The following ATRNL1 variants were observed in gnomAD, a reference collection of about 807,000 sequenced individuals.
ATRNL1 encodes attractin-like protein 1.
In ATRNL1, 95 loss-of-function variants were observed where a neutral mutation model predicts 182.7. The ratio of observed to expected loss-of-function variants is 0.52; its 90% confidence interval spans 0.44 to 0.62. The LOEUF is 0.62. ATRNL1 is among the 20% of genes least tolerant of loss of function. The pLI is 0.00. For synonymous variants in ATRNL1, 576 were observed against 568.3 expected (o/e 1.01, Z -0.19); for missense variants, 1,471 against 1,679.5 (o/e 0.88, Z 2.17).
At chr10:115,866,180 C>A (rs1555104731) in intron 28 of ATRNL1, among the ~76,000 whole-genome samples, 1 of 152,138 alleles carries the variant, frequency 6.6e-6, no homozygotes, top group African/African-American at 2.4e-5. Context: ...TTAAGCATCT[C>A]AAGACTATAA....
At chr10:115,189,427 A>G (rs10787554) in intron 8 of ATRNL1, among the ~76,000 whole-genome samples, 32,614 of 152,116 alleles carry the variant, frequency 0.21, 4,474 homozygotes, top group Non-Finnish European at 0.3. Context: ...AGCTCCATGC[A>G]TATGAATGCC....
intron 8 of ATRNL1, among the ~76,000 whole-genome samples, chr10:115,180,176 T>TA (rs1372783719): frequency 2.0e-5 from 3 of 151,992 alleles, no homozygotes; most frequent in African/African-American, 4.8e-5. Context: ...CATGTTAATT[T>TA]AAAAAAATTG....
At chr10:115,537,413 A>G (rs1195113983) in intron 25 of ATRNL1, among the ~76,000 whole-genome samples, 1 of 152,214 alleles carries the variant, frequency 6.6e-6, no homozygotes, top group Non-Finnish European at 1.5e-5. Flanking sequence ...AGTTATAGGT[A>G]TCACTATTTA....
intron 19 of ATRNL1, among the ~76,000 whole-genome samples, chr10:115,369,042 C>T (rs1426080750): frequency 6.6e-5 from 10 of 152,096 alleles, no homozygotes; most frequent in African/African-American, 1.4e-4. Flanking sequence ...ATACTGCATA[C>T]GAGTGAAATC....
chr10:115,456,248 T>C (rs1554968677), intron 21 of ATRNL1, among the ~76,000 whole-genome samples: 1 of 152,152 alleles, frequency 6.6e-6, no homozygotes, highest in Non-Finnish European at 1.5e-5. Context: ...ATTCCCATTA[T>C]GTTAGACTGG....
At chr10:115,293,671 G>C (rs1379986149) in intron 15 of ATRNL1, among the ~76,000 whole-genome samples, 6 of 152,168 alleles carry the variant, frequency 3.9e-5, no homozygotes, top group African/African-American at 7.2e-5. Flanking sequence ...AATTTCATTA[G>C]ATTTTGTCTG....
In ATRNL1 at chr10:115,183,480, C is replaced by T. The variant is rs192182097; in HGVS notation, c.1348+12188C>T. ...CTCATTTAATCAAGAAACAAGAGAGCAAGCACAAATACACAAAACAAGAAA... is the reference window on the plus strand; with the variant it reads ...CTCATTTAATCAAGAAACAAGAGAGTAAGCACAAATACACAAAACAAGAAA... On this transcript the variant is annotated intron_variant, in intron 8 of 28. Coordinates refer to ENST00000355044, the MANE Select transcript of ATRNL1 (RefSeq NM_207303.4). Among the ~76,000 whole-genome samples the T allele has an allele frequency of 2.9e-3, 438 of 150,492 alleles. 1 individual carries two copies. Among genetic ancestry groups the T allele is most frequent in the African/African-American group, 0.01 (422 of 41,128 alleles).
chr10:115,822,052 C>CA (rs1263049871), intron 27 of ATRNL1, among the ~76,000 whole-genome samples: 5 of 151,954 alleles, frequency 3.3e-5, no homozygotes, highest in African/African-American at 7.2e-5. Context: ...TCAGCAAATG[C>CA]AAAAAATGGA....
chr10:115,603,716 A>G (rs2133948668), intron 26 of ATRNL1, among the ~76,000 whole-genome samples: 1 of 152,278 alleles, frequency 6.6e-6, no homozygotes, highest in Admixed American at 6.5e-5. Flanking sequence ...AAAAGTTTTG[A>G]TATTTATCTA....
chr10:115,336,981 G>GA (rs1228003629), intron 19 of ATRNL1, among the ~76,000 whole-genome samples: 1 of 144,948 alleles, frequency 6.9e-6, no homozygotes, highest in Non-Finnish European at 1.5e-5. Flanking sequence ...AAGTAGCTGG[G>GA]GGGGGGGGAC....
At chr10:115,319,711 T>A (rs1854486193) in intron 18 of ATRNL1, among the ~76,000 whole-genome samples, 2 of 151,692 alleles carry the variant, frequency 1.3e-5, no homozygotes, top group South Asian at 4.2e-4. Context: ...TTGCATCCCC[T>A]GCTTTTTTTT....
chr10:115,529,136 A>G (rs974051681), intron 25 of ATRNL1, among the ~76,000 whole-genome samples: 2 of 151,880 alleles, frequency 1.3e-5, no homozygotes, highest in Non-Finnish European at 2.9e-5. Flanking sequence ...TTGGTGGTTT[A>G]TTGCATTGCT....
intron 19 of ATRNL1, among the ~76,000 whole-genome samples, chr10:115,368,854 C>G (rs1857226123): frequency 6.6e-6 from 1 of 152,068 alleles, no homozygotes; most frequent in South Asian, 2.1e-4. Flanking sequence ...GCTGAGATTA[C>G]AGGTGCCCAC....
chr10:115,113,548 T>A (rs1300319679), intron 1 of ATRNL1, among the ~76,000 whole-genome samples: 1 of 151,930 alleles, frequency 6.6e-6, no homozygotes, highest in Non-Finnish European at 1.5e-5. Context: ...GCTGTTCTCA[T>A]GATAGTGAAT....
At chr10:115,718,144 C>T (rs1053060252) in intron 26 of ATRNL1, among the ~76,000 whole-genome samples, 4 of 152,060 alleles carry the variant, frequency 2.6e-5, no homozygotes, top group Admixed American at 2.6e-4. Context: ...TTTGTGTGTG[C>T]AAAAAATAAA....
chr10:115,693,482 C>G (rs1946457085), intron 26 of ATRNL1, among the ~76,000 whole-genome samples: 1 of 152,132 alleles, frequency 6.6e-6, no homozygotes, highest in African/African-American at 2.4e-5. Context: ...AAATTACTCA[C>G]AAGCTGAAAT....
chr10:115,223,913 G>GTATATATATATATATA lies in ATRNL1; in HGVS notation c.1532+8035_1532+8050dup, dbSNP rs782380839. ...TGTGTGTGTGTGTGTGTGTGTGTGT[G>GTATATATATATATATA]TATATATATATATATATTTTTTTTT... On this transcript the variant is annotated intron_variant, in intron 9 of 28. Transcript: ENST00000355044. Among the ~76,000 whole-genome samples the GTATATATATATATATA allele has an allele frequency of 2.0e-4, 11 of 55,938 alleles. 1 individual carries two copies. Among genetic ancestry groups the GTATATATATATATATA allele is most frequent in the African/African-American group, 9.2e-4 (11 of 11,972 alleles). 36.7% of individuals were successfully genotyped at this position (55,938 alleles called of 152,430 possible).
intron 5 of ATRNL1, among the ~76,000 whole-genome samples, chr10:115,144,496 G>T (rs1318016706): frequency 6.6e-6 from 1 of 151,798 alleles, no homozygotes; most frequent in East Asian, 1.9e-4. Context: ...GTTTCACTAC[G>T]TTGGCCAGGC....
At chr10:115,178,216 G>A (rs1266620948) in intron 8 of ATRNL1, among the ~76,000 whole-genome samples, 2 of 151,872 alleles carry the variant, frequency 1.3e-5, no homozygotes, top group Admixed American at 6.6e-5. Flanking sequence ...GGCCAAGGAC[G>A]GGAAATTTTT....
Sources: allele counts gnomAD v4.1 joint callset (sites outside exome capture counted in the v4.1 genomes callset), GRCh38; gene constraint gnomAD v4.1.1; transcripts MANE v1.5; gene names NCBI Gene and HGNC (gene_info 2026-07-23, HGNC 2026-07-21).